The following KAZN variants were observed in gnomAD, a reference collection of about 807,000 sequenced individuals.
KAZN encodes the protein kazrin, periplakin interacting protein.
KAZN carries 40 observed loss-of-function variants against 87.4 expected under a neutral mutation model. The observed-to-expected ratio is 0.46, with a 90% CI of 0.36 to 0.60. The LOEUF is 0.60. KAZN is among the 20% of genes least tolerant of loss of function. KAZN has a pLI of 0.00. For missense variants in KAZN, 898 were observed against 1,073.9 expected (o/e 0.84, Z 2.29); for synonymous variants, 466 against 458.3 (o/e 1.02, Z -0.22).
At chr1:14,439,364 A>C (rs576993174) in intron 2 of KAZN, among the ~76,000 whole-genome samples, 1 of 152,246 alleles carries the variant, frequency 6.6e-6, no homozygotes, top group African/African-American at 2.4e-5. Context: ...AGCCACCATT[A>C]GTGATTGTTG....
intron 1 of KAZN, among the ~76,000 whole-genome samples, chr1:13,997,504 C>T (rs755116813): frequency 2.6e-5 from 4 of 151,848 alleles, no homozygotes; most frequent in Non-Finnish European, 5.9e-5. Context: ...ACTAGAATAA[C>T]CAGTTTTGAA....
At chr1:15,055,214 C>T (rs1450892362) in intron 4 of KAZN, among the ~76,000 whole-genome samples, 7 of 152,172 alleles carry the variant, frequency 4.6e-5, no homozygotes, top group African/African-American at 1.7e-4. Context: ...CAGTGGCTCA[C>T]ACCTGTATTC....
At chr1:14,921,072 G>A (rs1323909109) in intron 1 of KAZN, among the ~76,000 whole-genome samples, 1 of 152,002 alleles carries the variant, frequency 6.6e-6, no homozygotes, top group African/African-American at 2.4e-5. Flanking sequence ...TGAGTAAGGG[G>A]GGCATGGGCA....
intron 1 of KAZN, among the ~76,000 whole-genome samples, chr1:14,624,352 G>GCTCC (rs1287771743): frequency 3.9e-5 from 6 of 152,040 alleles, no homozygotes; most frequent in African/African-American, 1.4e-4. Flanking sequence ...AATCCGGGAG[G>GCTCC]CGGAGGTTGC....
chr1:14,069,154 C>A (rs1021903934), intron 1 of KAZN, among the ~76,000 whole-genome samples: 1 of 152,184 alleles, frequency 6.6e-6, no homozygotes, highest in Admixed American at 6.5e-5. Context: ...GTTTTCATTA[C>A]TGACCCAGGA....
intron 13 of KAZN, among the ~76,000 whole-genome samples, chr1:15,105,958 G>A (rs1641280887): frequency 6.6e-6 from 1 of 152,150 alleles, no homozygotes; most frequent in South Asian, 2.1e-4. Flanking sequence ...ATTTTGGGGT[G>A]CTTCTTACAG....
intron 2 of KAZN, among the ~76,000 whole-genome samples, chr1:14,507,192 C>T (rs1670627939): frequency 1.3e-5 from 2 of 152,192 alleles, no homozygotes; most frequent in African/African-American, 2.4e-5. Flanking sequence ...ATTTTTAGTA[C>T]TGGATCTCTT....
intron 1 of KAZN, among the ~76,000 whole-genome samples, chr1:14,065,547 G>C (rs1377241578): frequency 1.3e-5 from 2 of 150,288 alleles, no homozygotes; most frequent in East Asian, 3.9e-4. Context: ...AAAATCTTGG[G>C]CCAAATCAGA....
At chr1:14,189,698 CTGTT>C (rs1426905396) in intron 2 of KAZN, among the ~76,000 whole-genome samples, 1 of 152,202 alleles carries the variant, frequency 6.6e-6, no homozygotes, top group Non-Finnish European at 1.5e-5. Flanking sequence ...TTTCCAGCCT[CTGTT>C]TGTATCAAGT....
At chr1:14,579,398 G>T (rs1273705550) in intron 2 of KAZN, among the ~76,000 whole-genome samples, 3 of 152,048 alleles carry the variant, frequency 2.0e-5, no homozygotes, top group South Asian at 2.1e-4. Flanking sequence ...GGCCAAGGTG[G>T]GTGGATCATG....
intron 1 of KAZN, among the ~76,000 whole-genome samples, chr1:14,069,420 C>T (rs577900299): frequency 3.3e-5 from 5 of 152,222 alleles, no homozygotes; most frequent in African/African-American, 4.8e-5. Flanking sequence ...ATGCACTGTG[C>T]GCTGGGACTC....
intron 1 of KAZN, among the ~76,000 whole-genome samples, chr1:14,688,967 G>T (rs1212676733): frequency 6.6e-6 from 1 of 152,146 alleles, no homozygotes; most frequent in Non-Finnish European, 1.5e-5. Flanking sequence ...GCCAAGGTGG[G>T]CGGATTGCCT....
rs543539150 is a variant in KAZN, at chr1:13,983,140, T to C, written c.91+89384T>C. 3.0e-3 allele frequency among the ~76,000 whole-genome samples: 457 copies of C among 152,382 alleles called. 1 individual carries two copies. The highest frequency in any genetic ancestry group is 5.1e-3 in the Non-Finnish European group (348 of 68,034). ...CACGGGGGCTGCAGGTGGAGCTGCC[T>C]GGCAGTCCCGCGCCCTGCGCCTGCA... On this transcript the variant is annotated intron_variant, in intron 1 of 16. Transcript: ENST00000636203.
intron 1 of KAZN, among the ~76,000 whole-genome samples, chr1:14,689,150 G>A (rs1032101621): frequency 1.1e-4 from 17 of 152,226 alleles, no homozygotes; most frequent in East Asian, 5.8e-4. Context: ...AGCCGAGATC[G>A]TGCCACTGCA....
intron 2 of KAZN, among the ~76,000 whole-genome samples, chr1:14,383,374 A>G (rs1661549500): frequency 6.6e-6 from 1 of 151,960 alleles, no homozygotes; most frequent in South Asian, 2.1e-4. Flanking sequence ...GGTGTTTTAG[A>G]TATGAAGTCC....
chr1:15,090,721 G>A (rs1228302524), intron 8 of KAZN, among the ~76,000 whole-genome samples: 1 of 152,222 alleles, frequency 6.6e-6, no homozygotes, highest in Admixed American at 6.5e-5. Context: ...GATAATGTTG[G>A]CAGTGACCTC....
intron 2 of KAZN, among the ~76,000 whole-genome samples, chr1:15,001,907 G>A (rs1436692736): frequency 1.7e-5 from 2 of 116,350 alleles, no homozygotes; most frequent in South Asian, 2.9e-4. Context: ...TTTAGGTGGA[G>A]TCTCGCTCTG....
At chr1:14,139,760 C>G (rs1645191301) in intron 1 of KAZN, among the ~76,000 whole-genome samples, 1 of 152,170 alleles carries the variant, frequency 6.6e-6, no homozygotes, top group Non-Finnish European at 1.5e-5. Context: ...ATTCCAGATC[C>G]CTATTTGGCA....
At chr1:14,797,591 G>A (rs1645868722) in intron 1 of KAZN, among the ~76,000 whole-genome samples, 2 of 152,074 alleles carry the variant, frequency 1.3e-5, no homozygotes, top group South Asian at 4.2e-4. Context: ...AAAAATGAGG[G>A]CAATCTCATT....
Sources: allele counts gnomAD v4.1 joint callset (sites outside exome capture counted in the v4.1 genomes callset), GRCh38; gene constraint gnomAD v4.1.1; transcripts MANE v1.5; gene names NCBI Gene and HGNC (gene_info 2026-07-23, HGNC 2026-07-21).